The following EXOC6 variants were observed in gnomAD, a reference collection of about 807,000 sequenced individuals.
EXOC6 encodes exocyst complex component 6.
EXOC6 carries 60 observed loss-of-function variants against 112.5 expected under a neutral mutation model. That is an observed-to-expected ratio of 0.53 (90% CI 0.43 to 0.66). The LOEUF is 0.66. Ranked by LOEUF, EXOC6 falls within the 30% of genes least tolerant of loss-of-function variation. The pLI is 0.00. For synonymous variants in EXOC6, 295 were observed against 308.0 expected (o/e 0.96, Z 0.44); for missense variants, 855 against 957.1 (o/e 0.89, Z 1.41).
At chr10:92,849,611 A>G (rs1461541727) in intron 1 of EXOC6, among the ~76,000 whole-genome samples, 1 of 152,236 alleles carries the variant, frequency 6.6e-6, no homozygotes, top group Non-Finnish European at 1.5e-5. Flanking sequence ...CTTTATCATT[A>G]GTATTCTTCA....
At chr10:92,945,817 C>G (rs1290205309) in intron 13 of EXOC6, among the ~76,000 whole-genome samples, 1 of 152,162 alleles carries the variant, frequency 6.6e-6, no homozygotes, top group Non-Finnish European at 1.5e-5. Context: ...CAGGTGTGAG[C>G]CACCTCATTT....
chr10:92,833,629 T>G (rs1846561654), upstream of EXOC6, among the ~76,000 whole-genome samples: 1 of 152,184 alleles, frequency 6.6e-6, no homozygotes, highest in African/African-American at 2.4e-5. Flanking sequence ...CTTTGAATAC[T>G]ACATTTTTAA....
chr10:93,022,943 G>T (rs1844851274), intron 20 of EXOC6, among the ~76,000 whole-genome samples: 2 of 149,266 alleles, frequency 1.3e-5, no homozygotes, highest in Admixed American at 1.3e-4. Flanking sequence ...TAAAGGGGTT[G>T]CTAACACCTT....
At chr10:93,053,696 A>G (rs1846409766) in intron 20 of EXOC6, among the ~76,000 whole-genome samples, 1 of 152,240 alleles carries the variant, frequency 6.6e-6, no homozygotes, top group South Asian at 2.1e-4. Flanking sequence ...GCTCCCAAGG[A>G]AACTTGGAAT....
At chr10:92,841,597 G>A (rs74149155) in intron 1 of EXOC6, among the ~76,000 whole-genome samples, 1 of 152,054 alleles carries the variant, frequency 6.6e-6, no homozygotes. Context: ...TATGAGACTC[G>A]GCTATACAGT....
At chr10:92,997,807 C>T (rs1400394517) in intron 19 of EXOC6, among the ~76,000 whole-genome samples, 192 bp downstream of exon 19, 4 of 152,140 alleles carry the variant, frequency 2.6e-5, no homozygotes, top group Non-Finnish European at 4.4e-5. Flanking sequence ...ACATTTAGGG[C>T]CTCTAGAGAG....
At chr10:92,895,558 C>G (rs1010393229) in intron 4 of EXOC6, among the ~76,000 whole-genome samples, 7 of 152,086 alleles carry the variant, frequency 4.6e-5, no homozygotes, top group African/African-American at 1.7e-4. Flanking sequence ...TTTGTTAGGG[C>G]TAAATATTAC....
chr10:93,006,526 C>T (rs750294974), intron 19 of EXOC6, among the ~76,000 whole-genome samples: 3 of 152,144 alleles, frequency 2.0e-5, no homozygotes, highest in Non-Finnish European at 2.9e-5. Context: ...AGTTGGTCCT[C>T]GAGGTTTGCA....
At chr10:92,846,444 C>A (rs574149565), upstream of EXOC6, among the ~76,000 whole-genome samples, 14 of 152,332 alleles carry the variant, frequency 9.2e-5, no homozygotes, top group Middle Eastern at 3.4e-3. Context: ...CTGCCTCAGC[C>A]TCCCAAAGCT....
At chr10:92,854,420 A>G (rs993391606) in intron 1 of EXOC6, among the ~76,000 whole-genome samples, 1 of 152,014 alleles carries the variant, frequency 6.6e-6, no homozygotes, top group African/African-American at 2.4e-5. Context: ...TGGGCGACAG[A>G]ATGAGACTCC....
intron 20 of EXOC6, among the ~76,000 whole-genome samples, chr10:93,041,379 CTTGT>C (rs1247812267): frequency 6.6e-6 from 1 of 152,060 alleles, no homozygotes; most frequent in Non-Finnish European, 1.5e-5. Context: ...TGTCAGCTCC[CTTGT>C]TTGTTTGTTT....
At chr10:92,902,125 C>A (rs1850210142) in intron 5 of EXOC6, among the ~76,000 whole-genome samples, 1 of 151,936 alleles carries the variant, frequency 6.6e-6, no homozygotes, top group Non-Finnish European at 1.5e-5. Context: ...TAGTTTGTGA[C>A]CTACCTTTTC....
intron 19 of EXOC6, among the ~76,000 whole-genome samples, chr10:93,005,432 T>C (rs889937070): frequency 1.3e-5 from 2 of 152,210 alleles, no homozygotes; most frequent in African/African-American, 4.8e-5. Context: ...TCTGAATCAG[T>C]GTATGTACTT....
intron 1 of EXOC6, among the ~76,000 whole-genome samples, chr10:92,883,354 A>T (rs1849056130): frequency 6.6e-6 from 1 of 152,188 alleles, no homozygotes; most frequent in South Asian, 2.1e-4. Context: ...TTATAGCAGC[A>T]TTTTAAAGAA....
intron 2 of EXOC6, 60 bp from the exon 3 acceptor site, chr10:92,894,734 A>C: frequency 7.8e-7 from 1 of 1,285,880 alleles, no homozygotes; most frequent in South Asian, 1.2e-5. Flanking sequence ...AAGGGTGAGC[A>C]GTTACATCAG....
chr10:93,001,975 C>T (rs938394253), intron 19 of EXOC6, among the ~76,000 whole-genome samples: 1 of 152,178 alleles, frequency 6.6e-6, no homozygotes, highest in African/African-American at 2.4e-5. Flanking sequence ...TAGAGATACT[C>T]AGGTGTACAG....
chr10:92,843,950 C>G (rs1269280185), upstream of EXOC6, among the ~76,000 whole-genome samples: 3 of 129,758 alleles, frequency 2.3e-5, no homozygotes, highest in African/African-American at 8.9e-5. Context: ...GCACTCCAGC[C>G]TGGGCGACAG....
At chr10:93,026,268 TTGC>T (rs1845019811) in intron 20 of EXOC6, among the ~76,000 whole-genome samples, 1 of 152,198 alleles carries the variant, frequency 6.6e-6, no homozygotes, top group Admixed American at 6.5e-5. Flanking sequence ...AGGAGTGGAA[TTGC>T]TGAGTCAGGG....
intron 1 of EXOC6, among the ~76,000 whole-genome samples, chr10:92,828,313 T>A (rs1846418414): frequency 6.6e-6 from 1 of 152,226 alleles, no homozygotes; most frequent in South Asian, 2.1e-4. Context: ...TGGCATTTAG[T>A]CAGCAAACAA....
Sources: gnomAD v4.1 joint callset for allele counts (sites outside exome capture counted in the v4.1 genomes callset) on GRCh38, gnomAD v4.1.1 for gene constraint, MANE v1.5 for transcripts, NCBI Gene and HGNC (gene_info 2026-07-23, HGNC 2026-07-21) for gene names.